The following TEAD1 variants were observed in gnomAD, a reference collection of about 807,000 sequenced individuals.
TEAD1 encodes the protein TEA domain transcription factor 1.
A neutral mutation model predicts 54.9 loss-of-function variants in TEAD1; 9 were observed. That is an observed-to-expected ratio of 0.16 (90% confidence interval 0.10 to 0.29). The LOEUF is 0.29. Ranked by LOEUF, TEAD1 falls within the 10% of genes least tolerant of loss-of-function variation. The pLI is 1.00. For missense variants in TEAD1, 387 were observed against 535.9 expected (o/e 0.72, Z 2.74); for synonymous variants, 200 against 187.8 (o/e 1.07, Z -0.53).
Position 12,942,818 on chromosome 11 carries a change from A to G in TEAD1, c.*5596A>G, listed in dbSNP as rs1949173537. 1 of 152,232 alleles carries G rather than the reference A, an allele frequency of 6.6e-6. No individual in the cohort carries two copies. Among genetic ancestry groups the G allele is most frequent in the Non-Finnish European group, 1.5e-5 (1 of 68,044 alleles). 9.4% of individuals were successfully genotyped at this position (152,232 alleles called of 1,614,324 possible). ...TATGAATGTGCTACGAGAAACTTCC[A>G]AAGAGCACCATTCACAATTTGGCAT... On this transcript the variant is annotated 3_prime_UTR_variant, in exon 13 of 13. Coordinates refer to ENST00000527636, the MANE Select transcript of TEAD1 (RefSeq NM_021961.6).
chr11:12,919,239 A>G (rs960963266), intron 10 of TEAD1, among the ~76,000 whole-genome samples: 5 of 152,154 alleles, frequency 3.3e-5, no homozygotes, highest in African/African-American at 1.2e-4. Context: ...ACTACAGATC[A>G]TCCATTCCAA....
chr11:12,928,576 C>T (rs1371760), intron 11 of TEAD1, among the ~76,000 whole-genome samples: 97,394 of 152,018 alleles, frequency 0.64, 31,374 homozygotes, highest in South Asian at 0.76. Context: ...AACTATATAC[C>T]TTTTTCAATA....
intron 3 of TEAD1, among the ~76,000 whole-genome samples, chr11:12,832,003 T>C (rs1456207064): frequency 6.6e-6 from 1 of 152,158 alleles, no homozygotes; most frequent in African/African-American, 2.4e-5. Context: ...TTCTTAGCAC[T>C]GTGGAACTGA....
chr11:12,722,009 G>A (rs1432289964), intron 2 of TEAD1, among the ~76,000 whole-genome samples: 2 of 152,178 alleles, frequency 1.3e-5, no homozygotes, highest in Non-Finnish European at 2.9e-5. Flanking sequence ...TGATTCACTG[G>A]GTCTGGGTTG....
chr11:12,708,347 A>G (rs143583655), intron 2 of TEAD1, among the ~76,000 whole-genome samples: 169 of 151,964 alleles, frequency 1.1e-3, no homozygotes, highest in African/African-American at 3.9e-3. Context: ...CAAGAATGTA[A>G]CAATGCCTGT....
intron 3 of TEAD1, among the ~76,000 whole-genome samples, chr11:12,839,148 C>G (rs750899276): frequency 6.6e-6 from 1 of 151,562 alleles, no homozygotes; most frequent in African/African-American, 2.4e-5. Context: ...TGGTGGCTTA[C>G]GCCTATAATC....
intron 3 of TEAD1, among the ~76,000 whole-genome samples, chr11:12,835,101 C>T (rs530680658): frequency 6.6e-6 from 1 of 152,160 alleles, no homozygotes; most frequent in South Asian, 2.1e-4. Context: ...CAGGAAGTTA[C>T]AGAGGGAGAT....
intron 9 of TEAD1, among the ~76,000 whole-genome samples, chr11:12,901,459 C>T (rs566722970): frequency 9.2e-5 from 14 of 152,240 alleles, no homozygotes; most frequent in African/African-American, 3.1e-4. Flanking sequence ...CACTCTTATT[C>T]CTGCTGGAAG....
At chr11:12,696,189 A>G (rs565879698) in intron 2 of TEAD1, among the ~76,000 whole-genome samples, 21 of 152,316 alleles carry the variant, frequency 1.4e-4, no homozygotes, top group Admixed American at 3.3e-4. Flanking sequence ...GCTGTCATGT[A>G]CATTGTGTGT....
At chr11:12,911,881 TAGGCCTTTCTA>T (rs1948624803) in intron 10 of TEAD1, among the ~76,000 whole-genome samples, 1 of 152,184 alleles carries the variant, frequency 6.6e-6, no homozygotes. Flanking sequence ...AACTTCTTTG[TAGGCCTTTCTA>T]AGGGAGCGTA....
rs1461912482 is a variant in TEAD1, at chr11:12,923,705, G to C, written c.874-1207G>C. Among the ~76,000 whole-genome samples, 4 of 152,158 alleles carry C rather than the reference G, an allele frequency of 2.6e-5. No individual in the cohort carries two copies. In the East Asian group the frequency reaches 7.7e-4, roughly 29 times the overall value. ...TCTAGAGGCTGGGATGTCCAAGATC[G>C]AATCTGTAGCATCTGGTGGAAGGCA... On this transcript the variant is annotated intron_variant, in intron 10 of 12. Coordinates refer to ENST00000527636, the MANE Select transcript of TEAD1 (RefSeq NM_021961.6).
intron 3 of TEAD1, among the ~76,000 whole-genome samples, chr11:12,859,599 A>G (rs1419927078): frequency 6.6e-6 from 1 of 152,226 alleles, no homozygotes; most frequent in Non-Finnish European, 1.5e-5. Flanking sequence ...TACAGGGGAT[A>G]TTGGTAGTTC....
chr11:12,937,022 C>G (rs1038711478), intron 12 of TEAD1, 87 bp from the exon 13 acceptor site: 6 of 902,604 alleles, frequency 6.6e-6, no homozygotes, highest in Non-Finnish European at 1.1e-5. Context: ...AAGACTTGTT[C>G]TTCTCCAATT....
intron 12 of TEAD1, among the ~76,000 whole-genome samples, chr11:12,931,100 A>AAAAC (rs1264971042): frequency 6.6e-6 from 1 of 152,182 alleles, no homozygotes; most frequent in African/African-American, 2.4e-5. Context: ...ACCCTATCTC[A>AAAAC]AAACAAACAG....
At position 12,922,220 on chromosome 11, in the gene TEAD1, G is replaced by A. The variant is rs1306740040; in HGVS notation, c.874-2692G>A. 4.9e-4 allele frequency among the ~76,000 whole-genome samples: 21 copies of A among 43,076 alleles called. 4 individuals carry two copies. The highest frequency in any genetic ancestry group is 1.4e-3 in the African/African-American group (14 of 10,024). 28.3% of individuals were successfully genotyped at this position (43,076 alleles called of 152,430 possible). On this transcript the variant is annotated intron_variant, in intron 10 of 12. Coordinates refer to ENST00000527636, the MANE Select transcript of TEAD1 (RefSeq NM_021961.6). ...TTTTTTTTTTTTTTTTTTTTGAGAC[G>A]GAGTCTCGCTCTGTCGCCCAGGCTG...
Position 12,883,070 on chromosome 11 carries a change from A to C in TEAD1, c.644A>C (p.Lys215Thr), listed in dbSNP as rs1408113421. The C allele has an allele frequency of 6.2e-7, 1 of 1,614,094 alleles. No homozygotes were observed. Residue 215 changes from lysine (K) to threonine (T), a missense_variant, in exon 9 of 13, where the codon AAG (lysine) becomes ACG (threonine). Lys to Thr is a moderately conservative substitution (Grantham distance 78). This residue lies in a region of TEAD1 where 180 missense variants were observed against 180.6 expected (regional missense o/e 1.00). Transcript: ENST00000527636. ...CAAGGTCGCTCCATTGGCACAACCAAGCTTCGCCTGGTGGAATTTTCAGCT... is the reference window on the plus strand; with the variant it reads ...CAAGGTCGCTCCATTGGCACAACCACGCTTCGCCTGGTGGAATTTTCAGCT...
At chr11:12,802,094 G>T (rs931287976) in intron 3 of TEAD1, among the ~76,000 whole-genome samples, 1 of 152,154 alleles carries the variant, frequency 6.6e-6, no homozygotes, top group African/African-American at 2.4e-5. Context: ...TATTTGTGAA[G>T]GGAATATAGA....
chr11:12,688,751 T>A (rs1272477469), intron 2 of TEAD1, among the ~76,000 whole-genome samples: 1 of 152,178 alleles, frequency 6.6e-6, no homozygotes, highest in Admixed American at 6.5e-5. Context: ...TAATAGTACT[T>A]CTCCACATGT....
intron 12 of TEAD1, among the ~76,000 whole-genome samples, chr11:12,931,778 T>TTA (rs1564995343): frequency 1.3e-5 from 2 of 151,440 alleles, no homozygotes; most frequent in East Asian, 1.9e-4. Context: ...CACCATTGTA[T>TTA]AAAAAAAAAT....
Sources: gnomAD v4.1 joint callset for allele counts (sites outside exome capture counted in the v4.1 genomes callset) on GRCh38, gnomAD v4.1.1 for gene constraint, gnomAD v4.1.1 regional missense constraint, MANE v1.5 for transcripts, NCBI Gene and HGNC (gene_info 2026-07-23, HGNC 2026-07-21) for gene names.